ATP2B2: variants seen among roughly 807,000 people sequenced by gnomAD.
ATP2B2 encodes the protein ATPase plasma membrane Ca2+ transporting 2.
A neutral mutation model predicts 120.0 loss-of-function variants in ATP2B2; 15 were observed. The ratio of observed to expected loss-of-function variants is 0.12; its 90% CI spans 0.08 to 0.19. The LOEUF is 0.19. Among genes scored for constraint, ATP2B2 ranks in the 10% least tolerant of loss-of-function variants. ATP2B2 has a pLI of 1.00. For synonymous variants in ATP2B2, 694 were observed against 700.3 expected (o/e 0.99, Z 0.14); for missense variants, 1,045 against 1,719.8 (o/e 0.61, Z 6.94).
At chr3:10,384,986 A>G (rs17032786) in intron 8 of ATP2B2, among the ~76,000 whole-genome samples, 1,653 of 152,306 alleles carry the variant, frequency 0.011, 35 homozygotes, top group African/African-American at 0.037. Flanking sequence ...AGCCAATCTG[A>G]AGCCAAAGTC....
At chr3:10,565,542 C>T (rs1403118314) in intron 2 of ATP2B2, among the ~76,000 whole-genome samples, 1 of 152,158 alleles carries the variant, frequency 6.6e-6, no homozygotes, top group Non-Finnish European at 1.5e-5. Context: ...GGGGTCCCCT[C>T]CAGCCCAGAC....
At chr3:10,470,198 C>A (rs1413327747) in intron 1 of ATP2B2, among the ~76,000 whole-genome samples, 1 of 152,162 alleles carries the variant, frequency 6.6e-6, no homozygotes, top group East Asian at 1.9e-4. Context: ...CGGAAAGTGA[C>A]AACAATGACA....
At chr3:10,581,474 G>C (rs1343519646) in intron 2 of ATP2B2, among the ~76,000 whole-genome samples, 1 of 152,138 alleles carries the variant, frequency 6.6e-6, no homozygotes. Flanking sequence ...GCCGGGGAGC[G>C]CTGGCCCACA....
chr3:10,410,651 A>T lies in ATP2B2; in HGVS notation c.364T>A (p.Ser122Thr), dbSNP rs1011997168. Reference sequence around the variant, plus strand: ...CCCTCGCCGGGCGGGTGGTAGAAGGACAGCCCCAGGGAGATGATGGCGGCA... The same window carrying T: ...CCCTCGCCGGGCGGGTGGTAGAAGGTCAGCCCCAGGGAGATGATGGCGGCA... ...EIAAIISLGL[S>T]FYHPPGEGNE... Residue 122 changes from serine to threonine, a missense_variant, in exon 3 of 23, where the codon TCC becomes ACC. By Grantham distance (58) the Ser-to-Thr change is moderately conservative. Coordinates refer to ENST00000360273, the MANE Select transcript of ATP2B2 (RefSeq NM_001001331.4). 1 of 1,610,722 alleles carries T rather than the reference A, an allele frequency of 6.2e-7. No homozygotes were observed. The highest frequency in any genetic ancestry group is 8.5e-7 in the Non-Finnish European group (1 of 1,177,320).
At chr3:10,676,524 C>CCACACA (rs150121114) in intron 1 of ATP2B2, among the ~76,000 whole-genome samples, 7,838 of 149,180 alleles carry the variant, frequency 0.053, 241 homozygotes, top group African/African-American at 0.1. Context: ...AGGGACAGAA[C>CCACACA]CACACACACA....
intron 1 of ATP2B2, among the ~76,000 whole-genome samples, chr3:10,629,301 C>A (rs1179927922): frequency 8.5e-5 from 13 of 152,230 alleles, no homozygotes; most frequent in Non-Finnish European, 1.6e-4. Context: ...CACCTCTGCA[C>A]ACGTCTACAA....
At chr3:10,682,856 G>A (rs1433974726) in intron 1 of ATP2B2, among the ~76,000 whole-genome samples, 1 of 152,186 alleles carries the variant, frequency 6.6e-6, no homozygotes, top group Non-Finnish European at 1.5e-5. Flanking sequence ...GACAACCACA[G>A]GCACATGGCA....
intron 2 of ATP2B2, among the ~76,000 whole-genome samples, chr3:10,606,931 A>G (rs1046825925): frequency 3.0e-4 from 21 of 70,254 alleles, no homozygotes; most frequent in African/African-American, 1.6e-3. Context: ...AGAGAGAGAG[A>G]GAGAGAGGGA....
intron 3 of ATP2B2, among the ~76,000 whole-genome samples, chr3:10,524,028 G>A (rs1415686140): frequency 6.6e-6 from 1 of 152,162 alleles, no homozygotes; most frequent in African/African-American, 2.4e-5. Context: ...CCAGATTTCT[G>A]TCTTCTCTTA....
intron 22 of ATP2B2, among the ~76,000 whole-genome samples, chr3:10,336,825 G>A (rs561809742): frequency 3.9e-5 from 6 of 152,360 alleles, no homozygotes; most frequent in South Asian, 2.1e-4. Context: ...CACCTGACCC[G>A]TGTTAGCATT....
At chr3:10,705,327 G>A (rs1466856663) in intron 1 of ATP2B2, among the ~76,000 whole-genome samples, 1 of 152,122 alleles carries the variant, frequency 6.6e-6, no homozygotes, top group African/African-American at 2.4e-5. Flanking sequence ...CTATTGTGGG[G>A]GTGGTATTCC....
At chr3:10,478,679 C>T (rs1230898848) in intron 1 of ATP2B2, among the ~76,000 whole-genome samples, 1 of 152,168 alleles carries the variant, frequency 6.6e-6, no homozygotes, top group African/African-American at 2.4e-5. Context: ...CATCAAAGTC[C>T]TATTCATTTT....
chr3:10,446,968 A>G (rs1486802845), intron 2 of ATP2B2, among the ~76,000 whole-genome samples: 1 of 152,198 alleles, frequency 6.6e-6, no homozygotes, highest in Non-Finnish European at 1.5e-5. Context: ...CCCTCTAAGA[A>G]ATGCTGCTGT....
intron 2 of ATP2B2, among the ~76,000 whole-genome samples, chr3:10,544,580 A>G (rs1015697383): frequency 2.6e-5 from 4 of 152,148 alleles, no homozygotes; most frequent in African/African-American, 4.8e-5. Flanking sequence ...GACACTCCAC[A>G]CTTTGGGAGG....
At chr3:10,652,029 C>T (rs935508745) in intron 1 of ATP2B2, among the ~76,000 whole-genome samples, 1 of 152,152 alleles carries the variant, frequency 6.6e-6, no homozygotes, top group African/African-American at 2.4e-5. Flanking sequence ...CAAATCAGTA[C>T]AATAGTCTCC....
intron 2 of ATP2B2, among the ~76,000 whole-genome samples, chr3:10,432,307 A>G (rs2063340881): frequency 6.6e-6 from 1 of 152,120 alleles, no homozygotes; most frequent in South Asian, 2.1e-4. Flanking sequence ...CCTGCCCCTG[A>G]CTCAGGCGAG....
intron 2 of ATP2B2, among the ~76,000 whole-genome samples, chr3:10,595,654 G>T (rs200523585): frequency 0.083 from 1 of 12 alleles, no homozygotes; most frequent in East Asian, 0.5. Context: ...ACCACATTGC[G>T]CTTCCATTAA....
At chr3:10,355,199 C>T (rs982035719) in intron 14 of ATP2B2, among the ~76,000 whole-genome samples, 3 of 152,226 alleles carry the variant, frequency 2.0e-5, no homozygotes, top group African/African-American at 7.2e-5. Context: ...GTGGTGTCAC[C>T]TGTAACCCTG....
Position 10,512,464 on chromosome 3 carries a change from G to GCGCGCGCGCACACACACACACACA in ATP2B2, c.-320+21574_-320+21575insTGTGTGTGTGTGTGTGCGCGCGCG, listed in dbSNP as rs749056818. Among the ~76,000 whole-genome samples the GCGCGCGCGCACACACACACACACA allele has an allele frequency of 2.0e-4, 28 of 137,014 alleles. No homozygotes were observed. In the East Asian group the frequency reaches 3.6e-3, roughly 18 times the overall value. 89.9% of individuals were successfully genotyped at this position (137,014 alleles called of 152,430 possible). On this transcript the variant is annotated intron_variant, in intron 3 of 21. Transcript: ENST00000646379. ...TATTCCTGGGTGCTAAAGTGTGTGCGCACACACACACACACACACACACAC... is the reference window on the plus strand; with the variant it reads ...TATTCCTGGGTGCTAAAGTGTGTGCGCGCGCGCGCACACACACACACACACACACACACACACACACACACACAC...
Sources: allele counts gnomAD v4.1 joint callset (sites outside exome capture counted in the v4.1 genomes callset), GRCh38; gene constraint gnomAD v4.1.1; transcripts MANE v1.5; gene names NCBI Gene and HGNC (gene_info 2026-07-23, HGNC 2026-07-21).